The following PDIA5 variants were observed in gnomAD, a reference collection of about 807,000 sequenced individuals.
PDIA5 encodes the protein protein disulfide-isomerase A5.
A neutral mutation model predicts 77.6 loss-of-function variants in PDIA5; 58 were observed. The ratio of observed to expected loss-of-function variants is 0.75; its 90% CI spans 0.61 to 0.93. PDIA5 has a LOEUF of 0.93. Among genes scored for constraint, PDIA5 ranks in the 40% least tolerant of loss-of-function variants. PDIA5 has a pLI of 0.00. For synonymous variants in PDIA5, 250 were observed against 252.1 expected (o/e 0.99, Z 0.08); for missense variants, 630 against 647.7 (o/e 0.97, Z 0.30).
intron 1 of PDIA5, among the ~76,000 whole-genome samples, chr3:123,085,536 C>CG (rs1034233324): frequency 2.0e-4 from 30 of 152,226 alleles, no homozygotes; most frequent in African/African-American, 6.3e-4. Flanking sequence ...AGATGACCTG[C>CG]GGGATGGACT....
chr3:123,098,284 G>A (rs998459176), intron 3 of PDIA5, among the ~76,000 whole-genome samples: 26 of 152,172 alleles, frequency 1.7e-4, no homozygotes, highest in Non-Finnish European at 3.4e-4. Context: ...CTAATGGGCT[G>A]TGGTACTTAG....
In PDIA5 at chr3:123,162,056, G is replaced by A; in HGVS notation, c.*96G>A. 9.5e-6 allele frequency: 7 copies of A among 735,418 alleles called. No homozygotes were observed. The highest frequency in any genetic ancestry group is 7.9e-5 in the South Asian group (5 of 63,454). The allele number at this position is 735,418 out of a possible 1,614,324, so 45.6% of individuals were successfully genotyped here. Reference sequence around the variant, plus strand: ...ATGTTCTGAAGACAAATTTTTTATAGCCGCTTATGGCCATTTTGTACAATT... The same window carrying A: ...ATGTTCTGAAGACAAATTTTTTATAACCGCTTATGGCCATTTTGTACAATT... On this transcript the variant is annotated 3_prime_UTR_variant, in exon 17 of 17. Coordinates refer to ENST00000316218, the MANE Select transcript of PDIA5 (RefSeq NM_006810.4).
intron 3 of PDIA5, among the ~76,000 whole-genome samples, chr3:123,096,370 A>G (rs140220752): frequency 0.022 from 3,393 of 151,752 alleles, 137 homozygotes; most frequent in African/African-American, 0.077. Flanking sequence ...TATTTTTTTT[A>G]TAGAGACCAG....
intron 1 of PDIA5, among the ~76,000 whole-genome samples, chr3:123,069,411 A>ATATCTGGC (rs1933668582): frequency 6.6e-6 from 1 of 152,220 alleles, no homozygotes; most frequent in African/African-American, 2.4e-5. Flanking sequence ...TGGTTAAATA[A>ATATCTGGC]TATCTGGCCT....
intron 14 of PDIA5, among the ~76,000 whole-genome samples, chr3:123,154,724 C>T (rs138495461): frequency 1.3e-5 from 2 of 152,274 alleles, no homozygotes; most frequent in African/African-American, 4.8e-5. Flanking sequence ...GTGACCATCG[C>T]CCCCCAGCCT....
chr3:123,125,382 C>T (rs1935219710), intron 10 of PDIA5, among the ~76,000 whole-genome samples: 1 of 152,092 alleles, frequency 6.6e-6, no homozygotes, highest in African/African-American at 2.4e-5. Flanking sequence ...GAATGAGGTC[C>T]CTGAGGCACA....
At chr3:123,120,786 G>C (rs1935096094) in intron 8 of PDIA5, among the ~76,000 whole-genome samples, 1 of 152,028 alleles carries the variant, frequency 6.6e-6, no homozygotes, top group Non-Finnish European at 1.5e-5. Context: ...CCAGGGGCCA[G>C]GCTCTTTCCC....
At chr3:123,109,429 G>A (rs903459679) in intron 6 of PDIA5, among the ~76,000 whole-genome samples, 2 of 152,148 alleles carry the variant, frequency 1.3e-5, no homozygotes, top group African/African-American at 4.8e-5. Flanking sequence ...GACAATTTTA[G>A]AAGTGTTTGC....
At chr3:123,151,587 C>A (rs367880221) in intron 14 of PDIA5, among the ~76,000 whole-genome samples, 1 of 152,250 alleles carries the variant, frequency 6.6e-6, no homozygotes, top group East Asian at 1.9e-4. Flanking sequence ...CTCTTCAGCT[C>A]CTCCCTGACT....
At chr3:123,118,231 A>G (rs1008384784) in intron 8 of PDIA5, among the ~76,000 whole-genome samples, 3 of 152,206 alleles carry the variant, frequency 2.0e-5, no homozygotes, top group Admixed American at 6.5e-5. Context: ...GCCTGGAGAC[A>G]TTGGCCTTGG....
In PDIA5 at chr3:123,089,057, C is replaced by T. The variant is rs1934214867; in HGVS notation, c.43-111C>T. Reference sequence around the variant, plus strand: ...GTGGTGCATGAGATGTGTTGGTTTGCCCTCATCCTCTGGAAGTAAAGCAGC... The same window carrying T: ...GTGGTGCATGAGATGTGTTGGTTTGTCCTCATCCTCTGGAAGTAAAGCAGC... On this transcript the variant is annotated intron_variant, in intron 1 of 16. Coordinates refer to ENST00000316218, the MANE Select transcript of PDIA5 (RefSeq NM_006810.4). 10 of 1,034,660 alleles carry T rather than the reference C, an allele frequency of 9.7e-6. No individual in the cohort carries two copies. The South Asian group carries it at 1.5e-4, about 16-fold the overall frequency. The allele number at this position is 1,034,660 out of a possible 1,614,324, so 64.1% of individuals were successfully genotyped here. A position where few individuals can be genotyped will look rare whatever the true frequency, so the allele number is the denominator to read the frequency against.
intron 14 of PDIA5, among the ~76,000 whole-genome samples, chr3:123,151,839 GCCTGCCTT>G (rs1935909651): frequency 7.8e-6 from 1 of 127,666 alleles, no homozygotes; most frequent in Non-Finnish European, 1.6e-5. Context: ...CTTCCTGCCT[GCCTGCCTT>G]CCTTCCTGCC....
At chr3:123,136,521 A>T (rs1935507637) in intron 11 of PDIA5, among the ~76,000 whole-genome samples, 1 of 151,962 alleles carries the variant, frequency 6.6e-6, no homozygotes, top group African/African-American at 2.4e-5. Context: ...CGGGTGGATC[A>T]TGAGGTCAGA....
chr3:123,122,444 GA>G lies in PDIA5; in HGVS notation c.610-1612del, dbSNP rs112234417. Among the ~76,000 whole-genome samples the G allele has an allele frequency of 4.7e-3, 702 of 148,980 alleles. 5 individuals are homozygous for G. The highest frequency in any genetic ancestry group is 0.015 in the African/African-American group (619 of 40,692). On this transcript the variant is annotated intron_variant, in intron 8 of 16. Transcript: ENST00000316218. Reference sequence around the variant, plus strand: ...TTTGCTGCATCCTAAAATGGGCTAGGAAAAAAAAAACAGTGAATTTAGTGAG... The same window carrying G: ...TTTGCTGCATCCTAAAATGGGCTAGGAAAAAAAAACAGTGAATTTAGTGAG...
chr3:123,135,598 G>C (rs1309310707), intron 11 of PDIA5, among the ~76,000 whole-genome samples: 1 of 152,042 alleles, frequency 6.6e-6, no homozygotes, highest in African/African-American at 2.4e-5. Context: ...ATTTTCTGCT[G>C]TCATCTTTTT....
chr3:123,101,549 C>T (rs1934597397), intron 3 of PDIA5, among the ~76,000 whole-genome samples: 1 of 152,200 alleles, frequency 6.6e-6, no homozygotes, highest in Admixed American at 6.5e-5. Flanking sequence ...TTGTCAATAC[C>T]TGGCCAGATT....
chr3:123,081,739 T>C (rs1030526323), intron 1 of PDIA5, among the ~76,000 whole-genome samples: 1 of 152,230 alleles, frequency 6.6e-6, no homozygotes, highest in African/African-American at 2.4e-5. Flanking sequence ...ATGGTCTGCA[T>C]TGAATAGTAA....
intron 12 of PDIA5, 86 bp downstream of exon 12, chr3:123,145,678 T>C: frequency 1.7e-6 from 2 of 1,157,190 alleles, no homozygotes; most frequent in Non-Finnish European, 2.6e-6. Context: ...CTGCAAGCCC[T>C]GCTGCAGCTC....
chr3:123,113,279 G>A (rs1420264824), intron 7 of PDIA5, among the ~76,000 whole-genome samples: 1 of 152,198 alleles, frequency 6.6e-6, no homozygotes, highest in Non-Finnish European at 1.5e-5. Context: ...GCAGGTCTCA[G>A]TGTGATGCCA....
Sources: allele counts gnomAD v4.1 joint callset (sites outside exome capture counted in the v4.1 genomes callset), GRCh38; gene constraint gnomAD v4.1.1; transcripts MANE v1.5; gene names NCBI Gene and HGNC (gene_info 2026-07-23, HGNC 2026-07-21).